SHANK2: variants seen among roughly 807,000 people sequenced by gnomAD.
The protein encoded by SHANK2 is SH3 and multiple ankyrin repeat domains protein 2.
A neutral mutation model predicts 133.7 loss-of-function variants in SHANK2; 43 were observed. That is an observed-to-expected ratio of 0.32 (90% CI 0.25 to 0.41). The LOEUF (loss-of-function observed/expected upper bound fraction) is 0.41. Among genes scored for constraint, SHANK2 ranks in the 10% least tolerant of loss-of-function variants. SHANK2 has a pLI of 1.00. For missense variants in SHANK2, 1,994 were observed against 2,235.8 expected (o/e 0.89, Z 2.18); for synonymous variants, 1,017 against 952.8 (o/e 1.07, Z -1.24).
At chr11:70,952,595 T>C (rs564213264) in intron 10 of SHANK2, 28 of 246,084 alleles carry the variant, frequency 1.1e-4, no homozygotes, top group Admixed American at 4.2e-4. Context: ...TGTTCTCAAG[T>C]TGGCTCCTAT....
intron 13 of SHANK2, among the ~76,000 whole-genome samples, chr11:70,802,702 G>A (rs2135245836): frequency 6.6e-6 from 1 of 152,304 alleles, no homozygotes; most frequent in African/African-American, 2.4e-5. Context: ...GACACCTGGA[G>A]GAGCTTCAGA....
At chr11:71,079,794 GAA>G (rs1491219108) in intron 8 of SHANK2, among the ~76,000 whole-genome samples, 2 of 142,826 alleles carry the variant, frequency 1.4e-5, no homozygotes, top group South Asian at 2.4e-4. Flanking sequence ...GAAAGAGAGA[GAA>G]GAGAGAGAGA....
intron 4 of SHANK2, among the ~76,000 whole-genome samples, chr11:71,117,080 C>T (rs192013297): frequency 6.6e-6 from 1 of 152,288 alleles, no homozygotes; most frequent in Admixed American, 6.5e-5. Flanking sequence ...AGTGCAATGG[C>T]ACCATCTTGG....
chr11:70,938,497 G>A (rs1382436885), intron 10 of SHANK2, among the ~76,000 whole-genome samples: 1 of 152,182 alleles, frequency 6.6e-6, no homozygotes, highest in African/African-American at 2.4e-5. Context: ...AGGCTATCAG[G>A]GGACTTATAA....
intron 14 of SHANK2, among the ~76,000 whole-genome samples, chr11:70,742,777 G>A (rs1946556597): frequency 6.6e-6 from 1 of 152,244 alleles, no homozygotes; most frequent in South Asian, 2.1e-4. Flanking sequence ...GCAAGGGGGC[G>A]GCCTGGAGCG....
At chr11:70,653,567 CAAAAAAAAAAA>C (rs1157982312) in intron 17 of SHANK2, among the ~76,000 whole-genome samples, 7 of 61,802 alleles carry the variant, frequency 1.1e-4, no homozygotes, top group Middle Eastern at 8.9e-3. Context: ...CTCAGCCTTC[CAAAAAAAAAAA>C]AAAAAAAAAA....
At chr11:70,728,926 C>T (rs782072695) in intron 14 of SHANK2, among the ~76,000 whole-genome samples, 22 of 152,198 alleles carry the variant, frequency 1.4e-4, no homozygotes, top group Admixed American at 2.6e-4. Flanking sequence ...AATGAAGGGC[C>T]GGGCGTGGTG....
intron 14 of SHANK2, among the ~76,000 whole-genome samples, chr11:70,720,501 T>G (rs1946052144): frequency 6.6e-6 from 1 of 152,106 alleles, no homozygotes; most frequent in Non-Finnish European, 1.5e-5. Flanking sequence ...CAGGGGGCCA[T>G]GAGGAGAACC....
At chr11:71,057,624 G>A (rs889922888) in intron 9 of SHANK2, among the ~76,000 whole-genome samples, 292 of 151,974 alleles carry the variant, frequency 1.9e-3, no homozygotes, top group Non-Finnish European at 3.1e-3. Context: ...ATCTTGGCTC[G>A]CTGCAACCTT....
rs575411683 is a variant in SHANK2 at position 70,485,331 on chromosome 11, G to A, written c.4962C>T (p.Ser1654=). The A allele has an allele frequency of 1.4e-5, 22 of 1,613,842 alleles. No homozygotes were observed. The highest frequency in any genetic ancestry group is 6.6e-5 in the South Asian group (6 of 91,080). The change falls in exon 25 of 26, where the codon TCC becomes TCT. Residue 1654 remains serine (S), a synonymous_variant. Coordinates refer to ENST00000601538, the MANE Select transcript of SHANK2 (RefSeq NM_012309.5). The surrounding 1 kb of genome is among the most constrained non-coding windows in gnomAD (Gnocchi z 5.8). ...EGLDSPMGAK[S]ASLAPRSPEI... is the part of the protein sequence containing the mutation. Reference sequence around the variant, plus strand: ...GGACTTACCTTGGAGCGAGGCTGGCGGACTTGGCTCCCATTGGTGAATCCA... The same window carrying A: ...GGACTTACCTTGGAGCGAGGCTGGCAGACTTGGCTCCCATTGGTGAATCCA...
intron 17 of SHANK2, among the ~76,000 whole-genome samples, chr11:70,532,034 C>G (rs112229127): frequency 2.1e-4 from 32 of 152,286 alleles, no homozygotes; most frequent in African/African-American, 7.5e-4. Context: ...CATTTTCCTC[C>G]AACCTGGGCT....
At chr11:70,521,401 A>G (rs2059328449) in intron 17 of SHANK2, among the ~76,000 whole-genome samples, 1 of 152,266 alleles carries the variant, frequency 6.6e-6, no homozygotes, top group Non-Finnish European at 1.5e-5. Context: ...TAATTTAATT[A>G]GCAGTTATGT....
chr11:70,915,408 G>A (rs1950256183), intron 10 of SHANK2, among the ~76,000 whole-genome samples: 1 of 152,170 alleles, frequency 6.6e-6, no homozygotes, highest in Admixed American at 6.5e-5. Flanking sequence ...GATAATGAGA[G>A]ACAATAATCC....
At chr11:70,822,298 A>G (rs942104379) in intron 11 of SHANK2, among the ~76,000 whole-genome samples, 2 of 152,262 alleles carry the variant, frequency 1.3e-5, no homozygotes, top group African/African-American at 4.8e-5. Context: ...AAGGCAAGAG[A>G]AAACACGTGT....
At chr11:70,510,796 A>G (rs983161463) in intron 17 of SHANK2, among the ~76,000 whole-genome samples, 3 of 152,182 alleles carry the variant, frequency 2.0e-5, no homozygotes, top group Non-Finnish European at 4.4e-5. Flanking sequence ...GGTGGAGCCC[A>G]TGCTCCCAGC....
chr11:70,923,969 C>A (rs1273005831), intron 10 of SHANK2, among the ~76,000 whole-genome samples: 1 of 152,232 alleles, frequency 6.6e-6, no homozygotes, highest in Non-Finnish European at 1.5e-5. Context: ...TGATGGCTCC[C>A]CCAGTGCCCT....
At chr11:70,601,697 A>G (rs74395234) in intron 17 of SHANK2, among the ~76,000 whole-genome samples, 3,809 of 152,336 alleles carry the variant, frequency 0.025, 179 homozygotes, top group African/African-American at 0.088. Flanking sequence ...GAAAAGGATG[A>G]ACAACTCAGT....
At chr11:70,769,807 G>A (rs1947208440) in intron 14 of SHANK2, among the ~76,000 whole-genome samples, 1 of 145,828 alleles carries the variant, frequency 6.9e-6, no homozygotes, top group South Asian at 2.3e-4. Flanking sequence ...ATGCACGTAT[G>A]TGCACATTTG....
At chr11:70,849,315 A>G (rs562586234) in intron 11 of SHANK2, among the ~76,000 whole-genome samples, 30 of 152,288 alleles carry the variant, frequency 2.0e-4, no homozygotes, top group African/African-American at 7.2e-4. Context: ...ATGCATGCCA[A>G]TGGCTGGTCT....
Sources: gnomAD v4.1 joint callset for allele counts (sites outside exome capture counted in the v4.1 genomes callset) on GRCh38, gnomAD v4.1.1 for gene constraint, Gnocchi (gnomAD v3.1) non-coding constraint, MANE v1.5 for transcripts, NCBI Gene and HGNC (gene_info 2026-07-23, HGNC 2026-07-21) for gene names.